HAUS7: variants seen among roughly 807,000 people sequenced by gnomAD.
HAUS7 encodes the protein HAUS augmin-like complex subunit 7.
HAUS7 carries 3 observed loss-of-function variants against 28.4 expected under a neutral mutation model. That is an observed-to-expected ratio of 0.11 (90% CI 0.05 to 0.27). HAUS7 has a LOEUF of 0.27. Ranked by LOEUF, HAUS7 falls within the 10% of genes least tolerant of loss-of-function variation. The pLI is 1.00. For synonymous variants in HAUS7, 165 were observed against 132.1 expected, an observed-to-expected ratio of 1.25 and a Z score of -1.71; for missense variants, 284 against 297.3, an observed-to-expected ratio of 0.96 and a Z score of 0.33.
chrX:153,471,933 G>T (rs1556985443), upstream of HAUS7, among the ~76,000 whole-genome samples: 1 of 112,407 alleles, frequency 8.9e-6, no homozygotes, highest in Non-Finnish European at 1.9e-5. Flanking sequence ...CAAAGGCTTT[G>T]GGATTTTTTT....
chrX:153,494,755 T>TGGGGGGG (rs2089695243), intron 1 of HAUS7, among the ~76,000 whole-genome samples: 1 of 4,235 alleles, frequency 2.4e-4, no homozygotes. Context: ...GGGGAGGTGG[T>TGGGGGGG]GGGGGCGAGG....
rs782752083 is a variant in HAUS7 at position 153,486,580 on chromosome X, G to A, written c.-589+8794C>T. 1.5e-4 allele frequency: 141 copies of A among 932,966 alleles called. 2 individuals are homozygous for A. The highest frequency in any genetic ancestry group is 6.1e-4 in the Middle Eastern group (2 of 3,296). 76.9% of individuals were successfully genotyped at this position (932,966 alleles called of 1,213,427 possible). On this transcript the variant is annotated intron_variant, in intron 1 of 5. Coordinates refer to the HAUS7 transcript ENST00000370210. Reference sequence around the variant, plus strand: ...TCTCTTCTTGAATGATGCCTACCCCGTCTTTCCGGGGTCTTCTCTCCCCTG... The same window carrying A: ...TCTCTTCTTGAATGATGCCTACCCCATCTTTCCGGGGTCTTCTCTCCCCTG...
chrX:153,481,039 G>A, intron 1 of HAUS7: 3 of 742,889 alleles, frequency 4.0e-6, no homozygotes, highest in Non-Finnish European at 4.8e-6. Context: ...GCCTTCAGGT[G>A]GGGCCTGGGG....
At chrX:153,475,148 C>G (rs976716324), upstream of HAUS7, among the ~76,000 whole-genome samples, 1 of 112,805 alleles carries the variant, frequency 8.9e-6, no homozygotes, top group African/African-American at 3.2e-5. Flanking sequence ...CGCTTTCACA[C>G]GGAGTCCAGC....
rs868934882 is a variant in HAUS7, at chrX:153,454,527, A to C, written c.931-19T>G. Reference sequence around the variant, plus strand: ...GCAGCAGCTGGGGAGGGAGGGAGGGAGGGAGGGAGGGAGGGAGGGAGCGAG... The same window carrying C: ...GCAGCAGCTGGGGAGGGAGGGAGGGCGGGAGGGAGGGAGGGAGGGAGCGAG... On this transcript the variant is annotated intron_variant, in intron 8 of 9. Coordinates refer to ENST00000370211, the MANE Select transcript of HAUS7 (RefSeq NM_001385482.1). The C allele has an allele frequency of 1.4e-5, 1 of 73,409 alleles. No individual in the cohort carries two copies. 6.0% of individuals were successfully genotyped at this position (73,409 alleles called of 1,213,427 possible).
At chrX:153,463,052 T>C in intron 3 of HAUS7, 1 of 361,004 alleles carries the variant, frequency 2.8e-6, no homozygotes, top group South Asian at 2.6e-5. Context: ...CATCTGGCCA[T>C]GTCCTAAAGG....
intron 1 of HAUS7, among the ~76,000 whole-genome samples, chrX:153,494,733 C>CGGG (rs1556990287): frequency 3.8e-3 from 8 of 2,080 alleles, no homozygotes; most frequent in African/African-American, 6.2e-3. Context: ...CTGCCCCAGG[C>CGGG]GGGGGAGGGG....
At chrX:153,484,483 G>A (rs782606147) in intron 1 of HAUS7, among the ~76,000 whole-genome samples, 2 of 110,736 alleles carry the variant, frequency 1.8e-5, no homozygotes, top group South Asian at 4.0e-4. Flanking sequence ...GTCAGGACAC[G>A]GTCCTGGGAA....
intron 1 of HAUS7, chrX:153,481,289 C>T: frequency 4.3e-6 from 3 of 699,718 alleles, no homozygotes; most frequent in Non-Finnish European, 4.9e-6. Context: ...CTGGGAGCCT[C>T]GGGCAAGCCC....
chrX:153,483,484 G>A (rs1436699651), intron 1 of HAUS7: 7 of 753,905 alleles, frequency 9.3e-6, no homozygotes, highest in Non-Finnish European at 1.1e-5. Flanking sequence ...ATGGGCATTC[G>A]GAGGCAGAGA....
chrX:153,462,794 G>A, intron 3 of HAUS7, 123 bp from the exon 4 acceptor site: 1 of 548,685 alleles, frequency 1.8e-6, no homozygotes, highest in Non-Finnish European at 3.2e-6. Context: ...TGGGCCAGGA[G>A]GCAGGCACCC....
intron 8 of HAUS7, chrX:153,455,224 A>G: frequency 4.6e-6 from 2 of 430,142 alleles, no homozygotes; most frequent in Non-Finnish European, 8.3e-6. Flanking sequence ...ACGTGACAAC[A>G]GTGCGGCCAA....
At chrX:153,478,578 C>T (rs1323885559) in intron 1 of HAUS7, among the ~76,000 whole-genome samples, 2 of 112,439 alleles carry the variant, frequency 1.8e-5, no homozygotes, top group Non-Finnish European at 3.8e-5. Context: ...GGGGTCGGGA[C>T]AGCCACAGAA....
chrX:153,494,674 C>T (rs1444317286), intron 1 of HAUS7, among the ~76,000 whole-genome samples: 2 of 104,538 alleles, frequency 1.9e-5, no homozygotes, highest in Non-Finnish European at 3.9e-5. Flanking sequence ...AAGTTTGACT[C>T]TCTGGGTCCT....
chrX:153,451,225 G>A (rs1278455171), intron 9 of HAUS7, among the ~76,000 whole-genome samples: 2 of 112,189 alleles, frequency 1.8e-5, no homozygotes, highest in Admixed American at 9.4e-5. Context: ...AAGCGATAAG[G>A]GGCCTTTCTG....
intron 2 of HAUS7, among the ~76,000 whole-genome samples, chrX:153,466,824 C>T (rs781892577): frequency 1.9e-4 from 21 of 112,251 alleles, no homozygotes; most frequent in Non-Finnish European, 3.2e-4. Context: ...TTCTGATCGC[C>T]GATATGACGC....
intron 1 of HAUS7, chrX:153,486,486 G>A (rs782000375): frequency 1.6e-5 from 7 of 434,681 alleles, no homozygotes; most frequent in Middle Eastern, 5.1e-4. Context: ...TCTGAAGCCC[G>A]CCATCACTCC....
At chrX:153,451,913 C>T (rs1018147622) in intron 9 of HAUS7, among the ~76,000 whole-genome samples, 1 of 112,113 alleles carries the variant, frequency 8.9e-6, no homozygotes, top group Non-Finnish European at 1.9e-5. Context: ...GAGCTGTCAA[C>T]TACCTGGCTG....
At chrX:153,472,456 ACCACCCG>A (rs1348683232), upstream of HAUS7, among the ~76,000 whole-genome samples, 24 of 11,702 alleles carry the variant, frequency 2.1e-3, 1 homozygote, top group South Asian at 0.027. Context: ...CCTGCCACCC[ACCACCCG>A]CCCCCAGAAT....
Sources: allele counts gnomAD v4.1 joint callset (sites outside exome capture counted in the v4.1 genomes callset), GRCh38; gene constraint gnomAD v4.1.1; transcripts MANE v1.5; gene names NCBI Gene and HGNC (gene_info 2026-07-23, HGNC 2026-07-21).